KRT8: variants seen among roughly 807,000 people sequenced by gnomAD.
KRT8 encodes keratin 8.
A neutral mutation model predicts 43.0 loss-of-function variants in KRT8; 24 were observed. That is an observed-to-expected ratio of 0.56 (90% confidence interval 0.40 to 0.78). The LOEUF (loss-of-function observed/expected upper bound fraction) is 0.78, where lower values mean the gene tolerates loss of function less well. Ranked by LOEUF, KRT8 falls within the 30% of genes least tolerant of loss-of-function variation. The probability of loss-of-function intolerance (pLI) is 0.00; values close to 1 mark genes in which losing one functional copy is unlikely to be tolerated. For synonymous variants in KRT8, 214 were observed against 261.2 expected, an observed-to-expected ratio of 0.82 and a Z score of 1.74; for missense variants, 492 against 638.4, an observed-to-expected ratio of 0.77 and a Z score of 2.47.
At chr12:52,921,478 C>T (rs1941884834) in intron 2 of KRT8, among the ~76,000 whole-genome samples, 1 of 152,154 alleles carries the variant, frequency 6.6e-6, no homozygotes, top group Admixed American at 6.5e-5. Context: ...CACACTAAAC[C>T]TCCACCCCCA....
At chr12:52,903,592 T>G (rs1235199233) in intron 1 of KRT8, 7 of 152,000 alleles carry the variant, frequency 4.6e-5, no homozygotes, top group African/African-American at 1.7e-4. Context: ...CCGGGGCCCC[T>G]CAGGCAGCGG....
chr12:52,947,614 G>A (rs1267617549), intron 2 of KRT8: 1 of 151,966 alleles, frequency 6.6e-6, no homozygotes, highest in Non-Finnish European at 1.5e-5. Context: ...CTGAGTAGCT[G>A]GGATTACAGG....
intron 2 of KRT8, among the ~76,000 whole-genome samples, chr12:52,938,184 TTA>T (rs200077989): frequency 0.026 from 1,388 of 53,030 alleles, 156 homozygotes; most frequent in African/African-American, 0.064. Context: ...TTTTTTTTTT[TTA>T]TATATAAGGT....
intron 2 of KRT8, among the ~76,000 whole-genome samples, chr12:52,918,193 G>GAAGAAGAAC (rs1941804329): frequency 7.9e-6 from 1 of 125,810 alleles, no homozygotes; most frequent in Non-Finnish European, 1.6e-5. Flanking sequence ...AGAAGAAGAA[G>GAAGAAGAAC]AAGAAGAAGA....
chr12:52,901,877 C>T (rs1461999786), exon 2 of KRT8: 1 of 1,610,388 alleles, frequency 6.2e-7, no homozygotes, highest in Non-Finnish European at 8.5e-7. Flanking sequence ...TTCTTGAAGT[C>T]CTCCACCAGC....
chr12:52,912,254 A>G (rs1941651312), intron 2 of KRT8, among the ~76,000 whole-genome samples: 2 of 152,198 alleles, frequency 1.3e-5, no homozygotes. Context: ...TGGGGAAGGC[A>G]GCAGAGGGGA....
In KRT8 at chr12:52,949,269, G is replaced by A. The variant is rs778594717; in HGVS notation, c.-47+187C>T. 1.9e-6 allele frequency: 3 copies of A among 1,611,064 alleles called. No individual in the cohort carries two copies. The South Asian group carries it at 3.3e-5, about 18-fold the overall frequency. ...ACGGCGCCCGGCCGGTCAGCAGCGCGGCCAGCGTCTATGCAGGCGCTGGGG... is the reference window on the plus strand; with the variant it reads ...ACGGCGCCCGGCCGGTCAGCAGCGCAGCCAGCGTCTATGCAGGCGCTGGGG... On this transcript the variant is annotated intron_variant, in intron 2 of 6. Coordinates refer to the KRT8 transcript ENST00000546826.
At chr12:52,902,228 C>T in intron 1 of KRT8, 156 bp from the exon 2 acceptor site, 2 of 633,598 alleles carry the variant, frequency 3.2e-6, no homozygotes, top group Non-Finnish European at 5.7e-6. Context: ...TCACCTATGA[C>T]CAGGGGGAGA....
intron 2 of KRT8, among the ~76,000 whole-genome samples, chr12:52,934,151 C>G (rs1232110062): frequency 6.6e-6 from 1 of 151,712 alleles, no homozygotes; most frequent in African/African-American, 2.4e-5. Flanking sequence ...ATTGCTTGAA[C>G]CCAGGAGGCG....
chr12:52,928,640 C>A (rs1276293556), intron 2 of KRT8, among the ~76,000 whole-genome samples: 3 of 152,228 alleles, frequency 2.0e-5, no homozygotes, highest in African/African-American at 7.2e-5. Flanking sequence ...CACAGTGGCT[C>A]ACGCCTGTAA....
intron 2 of KRT8, chr12:52,926,540 T>C (rs1057006970): frequency 1.6e-6 from 2 of 1,274,142 alleles, no homozygotes; most frequent in Non-Finnish European, 2.2e-6. Context: ...GCCACTCCTA[T>C]AGAGACCCCA....
At chr12:52,899,968 A>C (rs748824849) in exon 5 of KRT8, 1 of 1,613,230 alleles carries the variant, frequency 6.2e-7, no homozygotes, top group Non-Finnish European at 8.5e-7. Flanking sequence ...CTGTGCCTTG[A>C]CCTCAGCAAT....
intron 5 of KRT8, 29 bp downstream of exon 5, chr12:52,899,746 A>T (rs1344334741): frequency 1.3e-6 from 2 of 1,596,356 alleles, no homozygotes; most frequent in Non-Finnish European, 1.7e-6. Flanking sequence ...TGTCCAAGGA[A>T]CCCCTCCCAC....
At chr12:52,938,168 A>G (rs1245304320) in intron 2 of KRT8, among the ~76,000 whole-genome samples, 4 of 35,468 alleles carry the variant, frequency 1.1e-4, no homozygotes, top group African/African-American at 8.7e-4. Flanking sequence ...ATATATATAT[A>G]TATTTTTTTT....
chr12:52,937,428 G>A (rs1003147179), intron 2 of KRT8, among the ~76,000 whole-genome samples: 2 of 140,786 alleles, frequency 1.4e-5, no homozygotes, highest in African/African-American at 2.7e-5. Flanking sequence ...TGGCTCAAGC[G>A]TGTAATCCCA....
At chr12:52,943,581 C>T (rs1189557781) in intron 2 of KRT8, among the ~76,000 whole-genome samples, 1 of 152,216 alleles carries the variant, frequency 6.6e-6, no homozygotes, top group Admixed American at 6.5e-5. Flanking sequence ...TGGGTTTCAC[C>T]CAAATCCTTG....
chr12:52,946,598 A>T (rs569603869), intron 2 of KRT8: 1 of 152,332 alleles, frequency 6.6e-6, no homozygotes, highest in South Asian at 2.1e-4. Flanking sequence ...AATAACAGTA[A>T]AAGGCAGTAC....
chr12:52,947,298 G>A lies in KRT8; in HGVS notation c.-47+2158C>T, dbSNP rs1453997951. 4 of 152,198 alleles carry A rather than the reference G, an allele frequency of 2.6e-5. No homozygotes were observed. In the East Asian group the frequency reaches 7.7e-4, roughly 29 times the overall value. 9.4% of individuals were successfully genotyped at this position (152,198 alleles called of 1,614,324 possible). ...TGGAGGATGCAGTCCCCTGGGGCCA[G>A]GCTTCTAATCCAGACAGCCCTTACA... On this transcript the variant is annotated intron_variant, in intron 2 of 6. Coordinates refer to the KRT8 transcript ENST00000546826.
intron 2 of KRT8, among the ~76,000 whole-genome samples, chr12:52,920,200 T>C (rs1444258724): frequency 6.6e-6 from 1 of 152,210 alleles, no homozygotes; most frequent in East Asian, 1.9e-4. Context: ...ATTATTTTAT[T>C]TAGCAATCCA....
Sources: gnomAD v4.1 joint callset for allele counts (sites outside exome capture counted in the v4.1 genomes callset) on GRCh38, gnomAD v4.1.1 for gene constraint, MANE v1.5 for transcripts, NCBI Gene and HGNC (gene_info 2026-07-23, HGNC 2026-07-21) for gene names.